HLA-DQA1: variants seen among roughly 807,000 people sequenced by gnomAD.
The protein encoded by HLA-DQA1 is HLA class II histocompatibility antigen, DQ alpha 1 chain.
A neutral mutation model predicts 20.7 loss-of-function variants in HLA-DQA1; 10 were observed. The observed-to-expected ratio is 0.48, with a 90% CI of 0.30 to 0.82. The LOEUF is 0.82. HLA-DQA1 is among the 40% of genes least tolerant of loss of function. HLA-DQA1 has a pLI of 0.07. For missense variants in HLA-DQA1, 127 were observed against 293.0 expected (o/e 0.43, Z 4.14); for synonymous variants, 39 against 109.2 (o/e 0.36, Z 4.01).
chr6:32,650,496 T>C (rs1782135002), downstream of HLA-DQA1, among the ~76,000 whole-genome samples: 1 of 95,826 alleles, frequency 1.0e-5, no homozygotes, highest in African/African-American at 3.6e-5. Flanking sequence ...GTGGCACATA[T>C]ACACCATGGA....
chr6:32,642,480 T>C (rs9272775), intron 3 of HLA-DQA1, 130 bp from the exon 4 acceptor site: 133,329 of 633,610 alleles, frequency 0.21, 37,785 homozygotes, highest in East Asian at 0.35. Context: ...TTTCTAATGA[T>C]AGACTTCACT....
At chr6:32,641,238 C>T (rs9272686) in intron 1 of HLA-DQA1, 72 bp from the exon 2 acceptor site, 39,221 of 862,938 alleles carry the variant, frequency 0.045, 3,591 homozygotes, top group Admixed American at 0.09. Flanking sequence ...TCAGTTTCTT[C>T]CATCATTTTG....
chr6:32,648,144 G>A (rs17612704), downstream of HLA-DQA1, among the ~76,000 whole-genome samples: 1 of 93,468 alleles, frequency 1.1e-5, no homozygotes, highest in Non-Finnish European at 2.4e-5. Flanking sequence ...GTTGAGGAGG[G>A]CAGAGCAATG....
chr6:32,646,165 T>G, downstream of HLA-DQA1: 2 of 75,580 alleles, frequency 2.6e-5, 1 homozygote, highest in Non-Finnish European at 5.9e-5. Flanking sequence ...CCTGCCTGAT[T>G]TAAAATCATG....
At chr6:32,642,373 C>CT in intron 3 of HLA-DQA1, 120 bp downstream of exon 3, 1 of 462,036 alleles carries the variant, frequency 2.2e-6, no homozygotes, top group Non-Finnish European at 3.3e-6. Flanking sequence ...TTTTCTGTCT[C>CT]TCTTTTTTTT....
At position 32,641,326 on chromosome 6, in the gene HLA-DQA1, T is replaced by A; in HGVS notation, c.99T>A (p.Ser33=). Residue 33 remains serine (S), a synonymous_variant, in exon 2 of 5, where the codon TCT becomes TCA. Transcript: ENST00000343139. ...GEDIVADHVA[S]CGVNLYQFYG... is the part of the protein sequence containing the mutation. ...ACTCATCAGCTGACCACGTTGCCTC[T>A]TGTGGTGTAAACTTGTACCAGTTTT... 1 of 1,245,136 alleles carries A rather than the reference T, an allele frequency of 8.0e-7. No homozygotes were observed. The allele number at this position is 1,245,136 out of a possible 1,614,324, so 77.1% of individuals were successfully genotyped here. A position where few individuals can be genotyped will look rare whatever the true frequency, so the allele number is the denominator to read the frequency against.
At chr6:32,645,928 G>T (rs796760383), downstream of HLA-DQA1, 215 of 76,836 alleles carry the variant, frequency 2.8e-3, no homozygotes, top group Non-Finnish European at 3.1e-3. Context: ...ATAATGACCA[G>T]AGTCATGCAG....
In HLA-DQA1 at chr6:32,639,068, C is replaced by T. The variant is rs1781157311; in HGVS notation, c.82+1528C>T. 2.7e-5 allele frequency: 7 copies of T among 260,042 alleles called. 2 individuals carry two copies. In the Admixed American group the frequency reaches 3.8e-4, roughly 14 times the overall value. The allele number at this position is 260,042 out of a possible 1,614,324, so 16.1% of individuals were successfully genotyped here. A position where few individuals can be genotyped will look rare whatever the true frequency, so the allele number is the denominator to read the frequency against. ...TGGCTGCTCCCATTATGATTTTGTT[C>T]GGCAGTGGAAGTTTCACCTGCTTCT... On this transcript the variant is annotated intron_variant, in intron 1 of 4. Coordinates refer to ENST00000343139, the MANE Select transcript of HLA-DQA1 (RefSeq NM_002122.5).
chr6:32,650,844 TATAATAATAATAATAATAATA>T (rs199519440), downstream of HLA-DQA1, among the ~76,000 whole-genome samples: 1,981 of 63,592 alleles, frequency 0.031, 633 homozygotes, highest in Middle Eastern at 0.14. Flanking sequence ...GAGCTTAAAG[TATAATAATAATAATAATAATA>T]ATAATAATAA....
downstream of HLA-DQA1, among the ~76,000 whole-genome samples, chr6:32,648,344 G>A (rs1174366032): frequency 5.9e-5 from 5 of 84,174 alleles, 2 homozygotes; most frequent in Non-Finnish European, 1.3e-4. Context: ...AGCATTTTAG[G>A]CCAATATGCC....
downstream of HLA-DQA1, chr6:32,645,176 C>T (rs1051899981): frequency 4.6e-5 from 7 of 151,494 alleles, no homozygotes; most frequent in Non-Finnish European, 2.9e-5. Context: ...AATGTAAGTT[C>T]ATAAATTATA....
downstream of HLA-DQA1, among the ~76,000 whole-genome samples, chr6:32,650,844 T>TATAATAATA (rs199519440): frequency 1.6e-5 from 1 of 63,602 alleles, no homozygotes; most frequent in Admixed American, 2.1e-4. Flanking sequence ...GAGCTTAAAG[T>TATAATAATA]ATAATAATAA....
At position 32,643,137 on chromosome 6, in the gene HLA-DQA1, A is replaced by ATT; in HGVS notation, c.*215_*216dup. On this transcript the variant is annotated 3_prime_UTR_variant, in exon 5 of 5. Transcript: ENST00000343139. ...TTTACATTCTTTCCCTGACCTCCTG[A>ATT]TTTTTTTTTTCTTTTCTCAAATGTT... 6.5e-6 allele frequency: 2 copies of ATT among 307,866 alleles called. No individual in the cohort carries two copies. Among genetic ancestry groups the ATT allele is most frequent in the Non-Finnish European group, 6.3e-6 (1 of 158,768 alleles). 19.1% of individuals were successfully genotyped at this position (307,866 alleles called of 1,614,324 possible). A position where few individuals can be genotyped will look rare whatever the true frequency, so the allele number is the denominator to read the frequency against.
downstream of HLA-DQA1, chr6:32,643,994 G>A (rs1781700609): frequency 8.3e-6 from 1 of 120,502 alleles, no homozygotes; most frequent in African/African-American, 2.9e-5. Context: ...GCATGAAGGA[G>A]ACAGTATAGT....
At chr6:32,647,680 T>C (rs28479464), downstream of HLA-DQA1, among the ~76,000 whole-genome samples, 33,176 of 152,156 alleles carry the variant, frequency 0.22, 3,808 homozygotes, top group South Asian at 0.38. Flanking sequence ...CCTAAGTCTA[T>C]GGGAACCTCT....
chr6:32,642,375 C>CAT, intron 3 of HLA-DQA1, 122 bp downstream of exon 3: 2 of 472,878 alleles, frequency 4.2e-6, no homozygotes, highest in Non-Finnish European at 6.6e-6. Context: ...TTCTGTCTCT[C>CAT]TTTTTTTTTT....
the HLA-DQA1 span, among the ~76,000 whole-genome samples, chr6:32,653,138 G>A: frequency 2.5e-5 from 3 of 118,210 alleles, no homozygotes; most frequent in East Asian, 2.6e-4. Flanking sequence ...AGCAATGAGA[G>A]AATAAATCCT....
downstream of HLA-DQA1, among the ~76,000 whole-genome samples, chr6:32,649,228 A>G (rs931252563): frequency 5.1e-5 from 5 of 97,296 alleles, 2 homozygotes; most frequent in African/African-American, 1.1e-4. Flanking sequence ...TATGGATTCA[A>G]TGCTATCCCC....
At position 32,642,214 on chromosome 6, in the gene HLA-DQA1, G is replaced by C. The variant is rs766977165; in HGVS notation, c.574G>C (p.Glu192Gln). The change falls in exon 3 of 5, where the codon GAG becomes CAG. Residue 192 changes from glutamate (E) to glutamine (Q), a missense_variant. Around this residue, in one of 4 missense-constraint regions of HLA-DQA1, gnomAD observed 46 missense variants for 152.1 expected, o/e 0.30. Coordinates refer to ENST00000343139, the MANE Select transcript of HLA-DQA1 (RefSeq NM_002122.5). ...TGATGAGATTTATGACTGCAAGGTG[G>C]AGCACTGGGGCCTGGACCAGCCTCT... Reference protein sequence around the residue: ...SADEIYDCKVEHWGLDQPLLK... With the variant: ...SADEIYDCKVQHWGLDQPLLK... 9.9e-5 allele frequency: 136 copies of C among 1,379,506 alleles called. 18 individuals carry two copies. The highest frequency in any genetic ancestry group is 1.2e-4 in the Non-Finnish European group (121 of 998,050). The allele number at this position is 1,379,506 out of a possible 1,614,324, so 85.5% of individuals were successfully genotyped here.
Sources: allele counts gnomAD v4.1 joint callset (sites outside exome capture counted in the v4.1 genomes callset), GRCh38; gene constraint gnomAD v4.1.1; regional missense constraint gnomAD v4.1.1; transcripts MANE v1.5; gene names NCBI Gene and HGNC (gene_info 2026-07-23, HGNC 2026-07-21).